Variants in PAK3 observed in about 807,000 individuals in gnomAD.
PAK3 encodes serine/threonine-protein kinase PAK 3.
PAK3 carries 4 observed loss-of-function variants against 41.0 expected under a neutral mutation model. The observed-to-expected ratio is 0.10, with a 90% confidence interval of 0.05 to 0.22. The LOEUF (loss-of-function observed/expected upper bound fraction) is 0.22, where lower values mean the gene tolerates loss of function less well. Ranked by LOEUF, PAK3 falls within the 10% of genes least tolerant of loss-of-function variation. PAK3 has a pLI of 1.00. For synonymous variants in PAK3, 146 were observed against 139.6 expected (o/e 1.05, Z -0.32); for missense variants, 205 against 409.9 (o/e 0.50, Z 4.32).
chrX:111,149,722 C>A (rs1001149946), intron 7 of PAK3, among the ~76,000 whole-genome samples: 1 of 111,646 alleles, frequency 9.0e-6, no homozygotes, highest in African/African-American at 3.3e-5. Context: ...GCACACAGCA[C>A]GGGGACCCTG....
rs940952784 is a variant in PAK3 at position 111,163,508 on chromosome X, C to T, written c.601-54C>T. The T allele has an allele frequency of 1.6e-5, 14 of 860,153 alleles. No homozygotes were observed. The African/African-American group carries it at 2.8e-4, about 17-fold the overall frequency. The allele number at this position is 860,153 out of a possible 1,213,427, so 70.9% of individuals were successfully genotyped here. A position where few individuals can be genotyped will look rare whatever the true frequency, so the allele number is the denominator to read the frequency against. On this transcript the variant is annotated intron_variant, in intron 9 of 17. Transcript: ENST00000372007. ...CATTGATATTACAATACATTGACTC[C>T]ACACTCTTTCCTTGGCCTGCTGTTT...
At chrX:110,967,095 C>T (rs922870017) in intron 1 of PAK3, among the ~76,000 whole-genome samples, 3 of 112,183 alleles carry the variant, frequency 2.7e-5, no homozygotes, top group African/African-American at 9.7e-5. Flanking sequence ...TCTGATCTTC[C>T]TGCCCAGACA....
At chrX:111,129,481 T>G (rs186658497) in intron 5 of PAK3, among the ~76,000 whole-genome samples, 1 of 111,186 alleles carries the variant, frequency 9.0e-6, no homozygotes, top group Non-Finnish European at 1.9e-5. Context: ...TCCTCTAGGG[T>G]CAGTGCTATG....
At chrX:111,014,294 G>A (rs1434159941) in intron 1 of PAK3, among the ~76,000 whole-genome samples, 2 of 111,478 alleles carry the variant, frequency 1.8e-5, no homozygotes, top group Non-Finnish European at 3.8e-5. Context: ...TCATTTGTCT[G>A]TTTGTTCTTT....
chrX:111,164,416 C>G (rs1044298758), intron 10 of PAK3, among the ~76,000 whole-genome samples: 5 of 111,244 alleles, frequency 4.5e-5, no homozygotes, highest in African/African-American at 1.6e-4. Context: ...AGTGCCCCCC[C>G]CAACCCCAGT....
intron 1 of PAK3, among the ~76,000 whole-genome samples, chrX:111,043,027 G>A (rs1458201721): frequency 9.0e-6 from 1 of 111,548 alleles, no homozygotes; most frequent in African/African-American, 3.3e-5. Context: ...GGTGGCTCAC[G>A]CCTGTAATCC....
chrX:111,081,682 T>A (rs1306031045), intron 1 of PAK3, among the ~76,000 whole-genome samples: 1 of 112,037 alleles, frequency 8.9e-6, no homozygotes, highest in Non-Finnish European at 1.9e-5. Context: ...AATGTATACA[T>A]GTTTCAAAAC....
At chrX:111,121,318 G>T (rs1199094570) in intron 4 of PAK3, among the ~76,000 whole-genome samples, 1 of 111,385 alleles carries the variant, frequency 9.0e-6, no homozygotes, top group African/African-American at 3.3e-5. Context: ...AAACAAAAGC[G>T]ATCTCCCGTT....
chrX:111,185,642 A>G (rs2094502703), intron 11 of PAK3, among the ~76,000 whole-genome samples: 1 of 111,285 alleles, frequency 9.0e-6, no homozygotes. Flanking sequence ...AACACCATTT[A>G]TTAAATAGGG....
At chrX:111,180,330 T>C (rs2094451300) in intron 11 of PAK3, among the ~76,000 whole-genome samples, 1 of 111,493 alleles carries the variant, frequency 9.0e-6, no homozygotes, top group Non-Finnish European at 1.9e-5. Flanking sequence ...GTTTACGACA[T>C]CCAACACTTG....
chrX:111,072,421 A>G (rs1384135834), intron 1 of PAK3, among the ~76,000 whole-genome samples: 2 of 112,814 alleles, frequency 1.8e-5, no homozygotes, highest in Non-Finnish European at 3.7e-5. Context: ...TCAATTCACA[A>G]CAAGTTTTGT....
chrX:111,210,591 G>T (rs1324769045), intron 16 of PAK3, among the ~76,000 whole-genome samples: 8 of 111,856 alleles, frequency 7.2e-5, no homozygotes, highest in Non-Finnish European at 1.3e-4. Flanking sequence ...ATATAAGTCT[G>T]TTATAGTCTC....
At chrX:111,156,782 T>C (rs2094112730) in intron 8 of PAK3, among the ~76,000 whole-genome samples, 1 of 112,156 alleles carries the variant, frequency 8.9e-6, no homozygotes, top group Non-Finnish European at 1.9e-5. Flanking sequence ...ATATAACACC[T>C]GCTTTACTGC....
intron 4 of PAK3, among the ~76,000 whole-genome samples, chrX:111,122,160 G>T (rs1333165453): frequency 9.5e-6 from 1 of 104,831 alleles, no homozygotes; most frequent in Non-Finnish European, 1.9e-5. Context: ...GGAGGCTGAG[G>T]CAGGAGAATG....
Position 111,192,574 on chromosome X carries a change from C to T in PAK3, c.948C>T (p.Val316=), listed in dbSNP as rs2094570369. The change falls in exon 13 of 18, where the codon GTC becomes GTT. Residue 316 remains valine (V), a synonymous_variant. Transcript: ENST00000372007. ...AATTAATTATTAATGAAATTCTGGT[C>T]ATGAGGGAAAATAAGAACCCTAATA... ...KKELIINEIL[V]MRENKNPNIV... is the part of the protein sequence containing the mutation. 8.8e-7 allele frequency: 1 copy of T among 1,138,402 alleles called. No individual in the cohort carries two copies. The highest frequency in any genetic ancestry group is 3.0e-5 in the East Asian group (1 of 33,548). 93.8% of individuals were successfully genotyped at this position (1,138,402 alleles called of 1,213,427 possible).
chrX:110,980,743 G>C (rs979331500), intron 1 of PAK3, among the ~76,000 whole-genome samples: 1 of 112,128 alleles, frequency 8.9e-6, no homozygotes, highest in African/African-American at 3.2e-5. Context: ...GACATAAAGA[G>C]CATAATCCAA....
intron 1 of PAK3, among the ~76,000 whole-genome samples, chrX:111,060,616 T>C (rs1205387507): frequency 8.9e-6 from 1 of 111,869 alleles, no homozygotes; most frequent in African/African-American, 3.2e-5. Flanking sequence ...TATAATTTCT[T>C]CTTATGTCAA....
chrX:111,098,213 T>G (rs2093045403), intron 3 of PAK3, among the ~76,000 whole-genome samples: 1 of 109,035 alleles, frequency 9.2e-6, no homozygotes, highest in South Asian at 4.1e-4. Context: ...ACATACCAGG[T>G]GAGGGAAACG....
At chrX:110,995,916 C>T (rs759931308) in intron 1 of PAK3, among the ~76,000 whole-genome samples, 1 of 111,689 alleles carries the variant, frequency 9.0e-6, no homozygotes, top group Non-Finnish European at 1.9e-5. Flanking sequence ...TGTTTCTTTT[C>T]GTCCTTCAGG....
Sources: allele counts gnomAD v4.1 joint callset (sites outside exome capture counted in the v4.1 genomes callset), GRCh38; gene constraint gnomAD v4.1.1; transcripts MANE v1.5; gene names NCBI Gene and HGNC (gene_info 2026-07-23, HGNC 2026-07-21).